The following OSBPL5 variants were observed in gnomAD, a reference collection of about 807,000 sequenced individuals.
OSBPL5 encodes oxysterol binding protein like 5, also known as oxysterol-binding protein-related protein 5.
A neutral mutation model predicts 111.2 loss-of-function variants in OSBPL5; 71 were observed. That is an observed-to-expected ratio of 0.64 (90% CI 0.53 to 0.78). The LOEUF is 0.78. Among genes scored for constraint, OSBPL5 ranks in the 30% least tolerant of loss-of-function variants. OSBPL5 has a pLI of 0.00. For missense variants in OSBPL5, 1,210 were observed against 1,189.3 expected (o/e 1.02, Z -0.26); for synonymous variants, 549 against 513.9 (o/e 1.07, Z -0.93).
chr11:3,117,706 G>C (rs996028862), intron 7 of OSBPL5, among the ~76,000 whole-genome samples: 14 of 152,094 alleles, frequency 9.2e-5, no homozygotes, highest in Admixed American at 5.9e-4. Flanking sequence ...ATTTTTGTTG[G>C]CTATAGGTCT....
At position 3,162,957 on chromosome 11, in the gene OSBPL5, T is replaced by G. The variant is rs146106653; in HGVS notation, c.-22+2259A>C. ...GCTCCCCTGCCAACCCTGCAAGTGG[T>G]GGGCACTTCTACCCACCTGGCCCTT... On this transcript the variant is annotated intron_variant, in intron 1 of 21. Coordinates refer to ENST00000263650, the MANE Select transcript of OSBPL5 (RefSeq NM_020896.4). This position sits in a 1 kb window ranked among gnomAD's most constrained non-coding sequence, Gnocchi z 8.1. 2.4e-3 allele frequency among the ~76,000 whole-genome samples: 370 copies of G among 151,632 alleles called. 2 individuals are homozygous for G. Among genetic ancestry groups the G allele is most frequent in the African/African-American group, 8.6e-3 (354 of 41,238 alleles).
At position 3,154,564 on chromosome 11, in the gene OSBPL5, G is replaced by A. The variant is rs1333011061; in HGVS notation, c.-22+10652C>T. ...GAACACTGCACACACTCATGGGTGC[G>A]GAAGGCTCTGATCACATCAAAATCT... On this transcript the variant is annotated intron_variant, in intron 1 of 21. Transcript: ENST00000263650. This position sits in a 1 kb window ranked among gnomAD's most constrained non-coding sequence, Gnocchi z 4.9. Among the ~76,000 whole-genome samples the A allele has an allele frequency of 6.6e-5, 10 of 152,316 alleles. No homozygotes were observed. In the East Asian group the frequency reaches 9.6e-4, roughly 15 times the overall value.
Position 3,162,818 on chromosome 11 carries a change from G to A in OSBPL5, c.-22+2398C>T, listed in dbSNP as rs144286442. Among the ~76,000 whole-genome samples the A allele has an allele frequency of 6.6e-6, 1 of 152,216 alleles. No individual in the cohort carries two copies. Among genetic ancestry groups the A allele is most frequent in the African/African-American group, 2.4e-5 (1 of 41,540 alleles). On this transcript the variant is annotated intron_variant, in intron 1 of 21. Coordinates refer to ENST00000263650, the MANE Select transcript of OSBPL5 (RefSeq NM_020896.4). The surrounding 1 kb of genome is among the most constrained non-coding windows in gnomAD (Gnocchi z 8.1). ...AACAATATTCTTTTCCTTTGTGCCGGTCACAAGCAGCATGAGGACATCCAG... is the reference window on the plus strand; with the variant it reads ...AACAATATTCTTTTCCTTTGTGCCGATCACAAGCAGCATGAGGACATCCAG...
intron 1 of OSBPL5, among the ~76,000 whole-genome samples, chr11:3,160,672 T>TGGCCCCCC (rs1846933748): frequency 3.3e-5 from 4 of 122,532 alleles, no homozygotes; most frequent in Non-Finnish European, 5.1e-5. Flanking sequence ...ATGACAACCC[T>TGGCCCCCC]CCCCCCCCCC....
Position 3,093,581 on chromosome 11 carries a change from C to T in OSBPL5, c.1892G>A (p.Arg631Lys). The stretch of plus-strand genomic sequence containing the variant: ...CAGCGGCACCGTGTGCTGCCTCAGC[C>T]TCTGTCTGCGGACCTCCCCGCTCGG... The part of the protein sequence containing the change: ...WTPSGEVRRQ[R>K]LRQHTVPLEE... The change falls in exon 17 of 22, where the codon AGG (arginine) becomes AAG (lysine). Residue 631 changes from arginine (R) to lysine (K), a missense_variant. Transcript: ENST00000263650. 1 of 1,612,498 alleles carries T rather than the reference C, an allele frequency of 6.2e-7. No individual in the cohort carries two copies. The highest frequency in any genetic ancestry group is 8.5e-7 in the Non-Finnish European group (1 of 1,179,996).
chr11:3,092,305 G>T lies in OSBPL5; in HGVS notation c.2259+127C>A. On this transcript the variant is annotated intron_variant, in intron 19 of 21. Coordinates refer to ENST00000263650, the MANE Select transcript of OSBPL5 (RefSeq NM_020896.4). The surrounding 1 kb of genome is among the most constrained non-coding windows in gnomAD (Gnocchi z 5.4). ...GGCAGAGAAGGAAAGGGGACGAGGG[G>T]GCTGGGGGATGAGGGCGTGAGGGAA... 1 of 1,294,166 alleles carries T rather than the reference G, an allele frequency of 7.7e-7. No homozygotes were observed. Among genetic ancestry groups the T allele is most frequent in the Non-Finnish European group, 1.0e-6 (1 of 974,236 alleles). 80.2% of individuals were successfully genotyped at this position (1,294,166 alleles called of 1,614,324 possible). A position where few individuals can be genotyped will look rare whatever the true frequency, so the allele number is the denominator to read the frequency against.
rs200317111 is a variant in OSBPL5, at chr11:3,142,073, C to T, written c.-21-12904G>A. Reference sequence around the variant, plus strand: ...GACTACAGGCACCTGCCACGATGACCGGCTAAAATTTTTTTGTATTTTTTC... The same window carrying T: ...GACTACAGGCACCTGCCACGATGACTGGCTAAAATTTTTTTGTATTTTTTC... On this transcript the variant is annotated intron_variant, in intron 1 of 21. Transcript: ENST00000263650. This position sits in a 1 kb window ranked among gnomAD's most constrained non-coding sequence, Gnocchi z 7.1. 2.6e-5 allele frequency among the ~76,000 whole-genome samples: 4 copies of T among 152,264 alleles called. 1 individual carries two copies. Among genetic ancestry groups the T allele is most frequent in the South Asian group, 4.2e-4 (2 of 4,818 alleles).
intron 2 of OSBPL5, among the ~76,000 whole-genome samples, chr11:3,128,278 C>T (rs547314081): frequency 5.5e-4 from 84 of 152,334 alleles, no homozygotes; most frequent in African/African-American, 1.9e-3. Context: ...ACTTCCTCAG[C>T]CCCAAAGCAG....
At chr11:3,098,428 A>G (rs1457193150) in intron 14 of OSBPL5, among the ~76,000 whole-genome samples, 2 of 151,682 alleles carry the variant, frequency 1.3e-5, no homozygotes, top group Non-Finnish European at 2.9e-5. Flanking sequence ...CAAACAAACA[A>G]AAACCTTCAA....
Position 3,121,700 on chromosome 11 carries a change from C to CA in OSBPL5, c.402+296dup, listed in dbSNP as rs1488681513. The CA allele has an allele frequency of 2.3e-6, 1 of 427,238 alleles. No individual in the cohort carries two copies. Among genetic ancestry groups the CA allele is most frequent in the Non-Finnish European group, 4.3e-6 (1 of 234,666 alleles). 26.5% of individuals were successfully genotyped at this position (427,238 alleles called of 1,614,324 possible). A position where few individuals can be genotyped will look rare whatever the true frequency, so the allele number is the denominator to read the frequency against. The stretch of plus-strand genomic sequence containing the variant: ...GTCTCCCTCCCCAGCGCCCTCCGCC[C>CA]ACTGGCCAGGCCCCACCTTATTCGG... On this transcript the variant is annotated intron_variant, in intron 5 of 21. Coordinates refer to ENST00000263650, the MANE Select transcript of OSBPL5 (RefSeq NM_020896.4). This position sits in a 1 kb window ranked among gnomAD's most constrained non-coding sequence, Gnocchi z 4.3.
chr11:3,090,613 C>T lies in OSBPL5; in HGVS notation c.2343G>A (p.Thr781=), dbSNP rs777438902. The T allele has an allele frequency of 2.9e-5, 47 of 1,612,994 alleles. No individual in the cohort carries two copies. Among genetic ancestry groups the T allele is most frequent in the African/African-American group, 6.7e-5 (5 of 74,932 alleles). ...CTGAGAGCTCTGGGCAGGACTCAGG[C>T]GTGGATCCGCTGCTCTCCGTGGCCT... The part of the protein sequence containing the change: ...HSQATESSGS[T]PESCPELSDE... Residue 781 remains threonine, a synonymous_variant, in exon 20 of 22, where the codon ACG becomes ACA. Coordinates refer to ENST00000263650, the MANE Select transcript of OSBPL5 (RefSeq NM_020896.4).
intron 1 of OSBPL5, among the ~76,000 whole-genome samples, chr11:3,135,635 G>A (rs556600562): frequency 5.6e-4 from 85 of 152,306 alleles, no homozygotes; most frequent in African/African-American, 1.9e-3. Context: ...TGGGGCTCTC[G>A]GGGACTGCAG....
chr11:3,096,550 C>T (rs796126349), intron 14 of OSBPL5, among the ~76,000 whole-genome samples: 9 of 147,902 alleles, frequency 6.1e-5, no homozygotes, highest in African/African-American at 1.8e-4. Context: ...ACTCAGGAGG[C>T]GGAGGTTGCA....
intron 21 of OSBPL5, among the ~76,000 whole-genome samples, 159 bp downstream of exon 21, chr11:3,089,687 G>A (rs557619103): frequency 3.9e-5 from 6 of 152,274 alleles, no homozygotes; most frequent in African/African-American, 9.6e-5. Flanking sequence ...TGCCCTCGGC[G>A]GTTGTCTTCC....
rs577972840 is a variant in OSBPL5 at position 3,105,974 on chromosome 11, G to C, written c.1059+1289C>G. 6.6e-6 allele frequency among the ~76,000 whole-genome samples: 1 copy of C among 152,090 alleles called. No homozygotes were observed. The highest frequency in any genetic ancestry group is 1.5e-5 in the Non-Finnish European group (1 of 68,006). On this transcript the variant is annotated intron_variant, in intron 9 of 21. Coordinates refer to ENST00000263650, the MANE Select transcript of OSBPL5 (RefSeq NM_020896.4). The surrounding 1 kb of genome is among the most constrained non-coding windows in gnomAD (Gnocchi z 5.2). ...TCTCCTAACAATGGGTCTTCCCTAC[G>C]GGTGGCCCAGTGTCCACCCCCGCCC...
Position 3,107,271 on chromosome 11 carries a change from G to C in OSBPL5, c.1051C>G (p.Leu351Val). The C allele has an allele frequency of 6.2e-7, 1 of 1,612,364 alleles. No homozygotes were observed. Residue 351 changes from leucine (L) to valine (V), a missense_variant, in exon 9 of 22, where the codon CTG becomes GTG. Transcript: ENST00000263650. This position sits in a 1 kb window ranked among gnomAD's most constrained non-coding sequence, Gnocchi z 6.1. ...GGCTGGGGGGCTCTCACCTCCCCCA[G>C]CTCCTCCTGGACCTGCTCCACATAG... is the stretch of plus-strand genomic sequence containing the variant. ...TTYVEQVQEE[L>V]GELGEASQVE...
rs1858780724 is a variant in OSBPL5 at position 3,130,299 on chromosome 11, C to T, written c.-21-1130G>A. On this transcript the variant is annotated intron_variant, in intron 1 of 21. Coordinates refer to ENST00000263650, the MANE Select transcript of OSBPL5 (RefSeq NM_020896.4). This position sits in a 1 kb window ranked among gnomAD's most constrained non-coding sequence, Gnocchi z 4.5. Reference sequence around the variant, plus strand: ...TAAAAACTACTGGTCAATTTTCCTCCTTTCCCAATTTTCTGGGGCTGCTTC... The same window carrying T: ...TAAAAACTACTGGTCAATTTTCCTCTTTTCCCAATTTTCTGGGGCTGCTTC... Among the ~76,000 whole-genome samples, 2 of 152,272 alleles carry T rather than the reference C, an allele frequency of 1.3e-5. No homozygotes were observed. Among genetic ancestry groups the T allele is most frequent in the Admixed American group, 6.5e-5 (1 of 15,286 alleles).
chr11:3,149,652 A>G (rs943896872), intron 1 of OSBPL5, among the ~76,000 whole-genome samples: 9 of 152,214 alleles, frequency 5.9e-5, no homozygotes, highest in Non-Finnish European at 1.2e-4. Context: ...CCTGGGAGGC[A>G]GGTCCTATCA....
chr11:3,092,773 G>A lies in OSBPL5; in HGVS notation c.2132+94C>T. 7.0e-7 allele frequency: 1 copy of A among 1,427,232 alleles called. No homozygotes were observed. Among genetic ancestry groups the A allele is most frequent in the South Asian group, 1.4e-5 (1 of 70,326 alleles). The allele number at this position is 1,427,232 out of a possible 1,614,324, so 88.4% of individuals were successfully genotyped here. A position where few individuals can be genotyped will look rare whatever the true frequency, so the allele number is the denominator to read the frequency against. ...CGACTCCTCCAGGGGACAGGCTGAA[G>A]GTGAGAGGGAAGCCAGGAGCCCCTG... On this transcript the variant is annotated intron_variant, in intron 18 of 21. Transcript: ENST00000263650. The surrounding 1 kb of genome is among the most constrained non-coding windows in gnomAD (Gnocchi z 5.4).
Sources: gnomAD v4.1 joint callset for allele counts (sites outside exome capture counted in the v4.1 genomes callset) on GRCh38, gnomAD v4.1.1 for gene constraint, Gnocchi (gnomAD v3.1) non-coding constraint, MANE v1.5 for transcripts, NCBI Gene and HGNC (gene_info 2026-07-23, HGNC 2026-07-21) for gene names.